ABCC9: variants seen among roughly 807,000 people sequenced by gnomAD.
ABCC9 encodes ATP-binding cassette sub-family C member 9.
A neutral mutation model predicts 188.3 loss-of-function variants in ABCC9; 95 were observed. The observed-to-expected ratio is 0.50, with a 90% confidence interval of 0.43 to 0.60. The LOEUF is 0.60. ABCC9 is among the 20% of genes least tolerant of loss of function. The probability of loss-of-function intolerance (pLI) is 0.00; values close to 1 mark genes in which losing one functional copy is unlikely to be tolerated. For missense variants in ABCC9, 1,102 were observed against 1,876.3 expected (o/e 0.59, Z 7.62); for synonymous variants, 659 against 652.7 (o/e 1.01, Z -0.15).
chr12:21,877,180 G>A (rs1292523187), intron 16 of ABCC9, among the ~76,000 whole-genome samples: 2 of 152,118 alleles, frequency 1.3e-5, no homozygotes. Flanking sequence ...GCAATCAGTT[G>A]AGTAAGTAAA....
intron 9 of ABCC9, 135 bp from the exon 10 acceptor site, chr12:21,910,447 T>C: frequency 2.2e-6 from 2 of 890,316 alleles, no homozygotes; most frequent in South Asian, 3.6e-5. Context: ...AGGATCATCT[T>C]CTTAAATCAG....
At position 21,915,701 on chromosome 12, in the gene ABCC9, A is replaced by G; in HGVS notation, c.783T>C (p.Tyr261=). 1.2e-6 allele frequency: 2 copies of G among 1,611,972 alleles called. No homozygotes were observed. Among genetic ancestry groups the G allele is most frequent in the South Asian group, 1.1e-5 (1 of 90,980 alleles). Reference sequence around the variant, plus strand: ...CTTCATATGCATCTTTCAGGCAAACATAATTTGTTACTGCTCTCATTGCTA... The same window carrying G: ...CTTCATATGCATCTTTCAGGCAAACGTAATTTGTTACTGCTCTCATTGCTA... ...LPIAMRAVTN[Y]VCLKDAYEEQ... Residue 261 remains tyrosine (Y), a synonymous_variant, in exon 7 of 40, where the codon TAT becomes TAC. Transcript: ENST00000261200.
chr12:21,875,036 T>G (rs573523554), intron 17 of ABCC9, among the ~76,000 whole-genome samples: 1 of 151,310 alleles, frequency 6.6e-6, no homozygotes, highest in Non-Finnish European at 1.5e-5. Context: ...TTAAAATGTG[T>G]CAAGAGGATA....
intron 38 of ABCC9, 136 bp downstream of exon 38, chr12:21,807,210 C>T: frequency 1.7e-6 from 2 of 1,171,014 alleles, no homozygotes; most frequent in Non-Finnish European, 2.5e-6. Flanking sequence ...ATCATCAGTT[C>T]ATCCAGTAGA....
intron 15 of ABCC9, among the ~76,000 whole-genome samples, chr12:21,886,706 G>C (rs1407215104): frequency 6.6e-6 from 1 of 151,862 alleles, no homozygotes; most frequent in Non-Finnish European, 1.5e-5. Flanking sequence ...TGGCTTACGA[G>C]GGCCCTCAAT....
At chr12:21,899,407 T>C (rs1318888578) in intron 12 of ABCC9, among the ~76,000 whole-genome samples, 2 of 152,206 alleles carry the variant, frequency 1.3e-5, no homozygotes, top group Non-Finnish European at 2.9e-5. Flanking sequence ...GGGTGACTTC[T>C]GCATTTCCAA....
intron 27 of ABCC9, 80 bp downstream of exon 27, chr12:21,844,683 TCTAA>T (rs1460172183): frequency 4.4e-6 from 7 of 1,592,074 alleles, no homozygotes; most frequent in Non-Finnish European, 4.3e-6. Flanking sequence ...AAGAAATTCT[TCTAA>T]CTTTCACATT....
intron 35 of ABCC9, among the ~76,000 whole-genome samples, chr12:21,813,084 T>C (rs1942369616): frequency 6.6e-6 from 1 of 152,180 alleles, no homozygotes; most frequent in South Asian, 2.1e-4. Flanking sequence ...TTTACTTATC[T>C]TTTTTTATTG....
intron 32 of ABCC9, among the ~76,000 whole-genome samples, chr12:21,817,888 T>C (rs1294390795): frequency 1.3e-5 from 2 of 152,096 alleles, no homozygotes; most frequent in Admixed American, 6.6e-5. Flanking sequence ...GAGATTTTTT[T>C]CCCTTTATTT....
intron 36 of ABCC9, 75 bp from the exon 37 acceptor site, chr12:21,810,030 T>G: frequency 4.3e-6 from 4 of 931,838 alleles, no homozygotes; most frequent in Non-Finnish European, 6.9e-6. Flanking sequence ...TTATTGCTTT[T>G]CTTTCCTTAC....
intron 39 of ABCC9, among the ~76,000 whole-genome samples, chr12:21,804,673 G>T (rs985417375): frequency 6.6e-6 from 1 of 152,122 alleles, no homozygotes; most frequent in African/African-American, 2.4e-5. Context: ...GCCCTGATGG[G>T]ACATCATTTC....
intron 31 of ABCC9, among the ~76,000 whole-genome samples, chr12:21,824,503 C>T (rs1203918379): frequency 6.6e-6 from 1 of 152,160 alleles, no homozygotes; most frequent in East Asian, 1.9e-4. Flanking sequence ...ATGCTGGCCT[C>T]ATAAAATGAG....
chr12:21,905,424 AAG>A (rs1470953342), intron 12 of ABCC9, among the ~76,000 whole-genome samples: 2 of 152,072 alleles, frequency 1.3e-5, no homozygotes, highest in African/African-American at 4.8e-5. Context: ...TAAAAAAAAA[AAG>A]AATGCTATGA....
At chr12:21,920,683 C>A (rs1168337099) in intron 5 of ABCC9, among the ~76,000 whole-genome samples, 1 of 151,916 alleles carries the variant, frequency 6.6e-6, no homozygotes, top group Non-Finnish European at 1.5e-5. Context: ...TTTTTGTACC[C>A]ATTAAACATC....
intron 2 of ABCC9, among the ~76,000 whole-genome samples, chr12:21,938,748 A>G (rs1182217356): frequency 6.6e-6 from 1 of 152,226 alleles, no homozygotes; most frequent in Admixed American, 6.5e-5. Context: ...CTGCTTTGCA[A>G]ATTACACCCT....
At chr12:21,912,716 TA>T (rs1948376849) in intron 8 of ABCC9, among the ~76,000 whole-genome samples, 155 bp downstream of exon 8, 1 of 151,646 alleles carries the variant, frequency 6.6e-6, no homozygotes, top group Non-Finnish European at 1.5e-5. Flanking sequence ...GATTTTTTTC[TA>T]AAAGGAAAAT....
At chr12:21,860,268 G>A (rs1259661083) in intron 21 of ABCC9, among the ~76,000 whole-genome samples, 1 of 152,072 alleles carries the variant, frequency 6.6e-6, no homozygotes, top group Non-Finnish European at 1.5e-5. Context: ...TACACACTGC[G>A]GTATGTAGCA....
chr12:21,851,400 C>A (rs2137435263), intron 24 of ABCC9, among the ~76,000 whole-genome samples: 1 of 152,194 alleles, frequency 6.6e-6, no homozygotes, highest in African/African-American at 2.4e-5. Context: ...CCATTGGTAC[C>A]ACTTATTATA....
chr12:21,848,320 C>T (rs1035773237), intron 24 of ABCC9, 74 bp from the exon 25 acceptor site: 15 of 1,297,686 alleles, frequency 1.2e-5, no homozygotes, highest in East Asian at 2.3e-5. Flanking sequence ...ATGACTCACA[C>T]GTGTAAATGG....
Sources: allele counts gnomAD v4.1 joint callset (sites outside exome capture counted in the v4.1 genomes callset), GRCh38; gene constraint gnomAD v4.1.1; transcripts MANE v1.5; gene names NCBI Gene and HGNC (gene_info 2026-07-23, HGNC 2026-07-21).